The following PBLD variants were observed in gnomAD, a reference collection of about 807,000 sequenced individuals.
The protein encoded by PBLD is phenazine biosynthesis like protein domain containing, also known as phenazine biosynthesis-like domain-containing protein.
A neutral mutation model predicts 31.3 loss-of-function variants in PBLD; 26 were observed. The observed-to-expected ratio is 0.83, with a 90% CI of 0.61 to 1.15. PBLD has a LOEUF of 1.15. PBLD is among the 50% of genes most tolerant of loss of function. The probability of loss-of-function intolerance (pLI) is 0.00; values close to 1 mark genes in which losing one functional copy is unlikely to be tolerated. For synonymous variants in PBLD, 114 were observed against 129.0 expected (o/e 0.88, Z 0.79); for missense variants, 307 against 351.7 (o/e 0.87, Z 1.02).
chr10:68,299,757 G>A (rs2044480869), intron 2 of PBLD, among the ~76,000 whole-genome samples: 2 of 152,100 alleles, frequency 1.3e-5, no homozygotes, highest in South Asian at 4.2e-4. Flanking sequence ...TCAGGAGGTT[G>A]AGCAGTAGTC....
At chr10:68,322,061 G>C (rs546356073) in intron 1 of PBLD, among the ~76,000 whole-genome samples, 1 of 152,242 alleles carries the variant, frequency 6.6e-6, no homozygotes, top group South Asian at 2.1e-4. Flanking sequence ...CTTTACAGTG[G>C]AGAAACCTAG....
chr10:68,302,855 A>G (rs1368482872), intron 2 of PBLD, among the ~76,000 whole-genome samples: 1 of 136,660 alleles, frequency 7.3e-6, no homozygotes, highest in African/African-American at 2.5e-5. Context: ...AAAAAAAAAA[A>G]AAATTAGAAT....
At chr10:68,292,512 C>CTTTT (rs66894235) in intron 4 of PBLD, among the ~76,000 whole-genome samples, 10 of 147,148 alleles carry the variant, frequency 6.8e-5, no homozygotes, top group East Asian at 2.0e-4. Context: ...ACTTAGCCTC[C>CTTTT]TTTTTTTTTT....
intron 9 of PBLD, among the ~76,000 whole-genome samples, 190 bp from the exon 10 acceptor site, chr10:68,284,479 T>C (rs970006575): frequency 6.6e-6 from 1 of 152,186 alleles, no homozygotes; most frequent in African/African-American, 2.4e-5. Flanking sequence ...CAAACTCAAT[T>C]TGATCTACAG....
intron 2 of PBLD, among the ~76,000 whole-genome samples, chr10:68,301,945 C>T (rs749297059): frequency 5.8e-4 from 88 of 152,156 alleles, no homozygotes; most frequent in Non-Finnish European, 2.5e-4. Context: ...ACCAGAGACA[C>T]GTGGAAAGTT....
intron 4 of PBLD, 108 bp downstream of exon 4, chr10:68,296,156 CAG>C (rs2044423873): frequency 2.6e-6 from 2 of 774,330 alleles, no homozygotes; most frequent in African/African-American, 3.5e-5. Flanking sequence ...GTAAACTCTG[CAG>C]AGTCTTTATA....
intron 2 of PBLD, among the ~76,000 whole-genome samples, chr10:68,306,147 A>G (rs1027057977): frequency 2.4e-4 from 2 of 8,396 alleles, no homozygotes; most frequent in African/African-American, 2.7e-4. Context: ...ATTAATATTT[A>G]TCTATTTAAC....
At chr10:68,298,413 A>G (rs1007981545) in intron 2 of PBLD, among the ~76,000 whole-genome samples, 1 of 152,030 alleles carries the variant, frequency 6.6e-6, no homozygotes, top group African/African-American at 2.4e-5. Flanking sequence ...GATCGCTTGA[A>G]CCCTGGAGTT....
Position 68,284,048 on chromosome 10 carries a change from A to G in PBLD, c.*129T>C. 8.2e-6 allele frequency: 7 copies of G among 851,504 alleles called. No homozygotes were observed. Among genetic ancestry groups the G allele is most frequent in the East Asian group, 2.6e-5 (1 of 38,112 alleles). The allele number at this position is 851,504 out of a possible 1,614,324, so 52.7% of individuals were successfully genotyped here. ...AGGCATGAGCCACTGCGCCTGGCCCATTTTTCGATTTTTAACATGAGGATT... is the reference window on the plus strand; with the variant it reads ...AGGCATGAGCCACTGCGCCTGGCCCGTTTTTCGATTTTTAACATGAGGATT... On this transcript the variant is annotated 3_prime_UTR_variant, in exon 10 of 10. Coordinates refer to ENST00000358769, the MANE Select transcript of PBLD (RefSeq NM_022129.4).
At chr10:68,330,607 G>A (rs2045026584) in intron 1 of PBLD, among the ~76,000 whole-genome samples, 1 of 151,968 alleles carries the variant, frequency 6.6e-6, no homozygotes, top group Non-Finnish European at 1.5e-5. Context: ...GTGCGGTGGC[G>A]CGATCTGGGC....
intron 9 of PBLD, among the ~76,000 whole-genome samples, chr10:68,284,889 T>A (rs1485926361): frequency 1.3e-5 from 2 of 152,238 alleles, no homozygotes; most frequent in Non-Finnish European, 2.9e-5. Flanking sequence ...AGACTCCTCC[T>A]TGGATGATCA....
intron 9 of PBLD, chr10:68,285,088 A>G: frequency 7.6e-7 from 1 of 1,308,016 alleles, no homozygotes; most frequent in Non-Finnish European, 9.7e-7. Flanking sequence ...GGCCAAAGTT[A>G]TACAGCTATT....
In PBLD at chr10:68,332,823, C is replaced by T. The variant is rs1033128650; in HGVS notation, c.-99G>A. On this transcript the variant is annotated 5_prime_UTR_variant, in exon 1 of 10. Transcript: ENST00000358769. ...CTGCGAGTGACTTCTGACGCAGATT[C>T]CCAAGATGAGAGAGGCTGGAGCTGG... 6.6e-6 allele frequency: 1 copy of T among 152,394 alleles called. No individual in the cohort carries two copies. The highest frequency in any genetic ancestry group is 1.5e-5 in the Non-Finnish European group (1 of 68,194). The allele number at this position is 152,394 out of a possible 1,614,324, so 9.4% of individuals were successfully genotyped here. A position where few individuals can be genotyped will look rare whatever the true frequency, so the allele number is the denominator to read the frequency against.
chr10:68,311,051 T>C (rs1589664896), intron 1 of PBLD, among the ~76,000 whole-genome samples: 1 of 152,176 alleles, frequency 6.6e-6, no homozygotes, highest in East Asian at 1.9e-4. Context: ...ATTTATTAAA[T>C]ACCCTACTGA....
Position 68,296,345 on chromosome 10 carries a change from T to C in PBLD, c.204A>G (p.Arg68=), listed in dbSNP as rs751757034. The C allele has an allele frequency of 2.5e-6, 4 of 1,613,798 alleles. No individual in the cohort carries two copies. The highest frequency in any genetic ancestry group is 2.5e-6 in the Non-Finnish European group (3 of 1,179,862). The part of the protein sequence containing the change: ...NFAQSSCFGL[R]WFTPASEVPL... ...GGACCTCACTCGCTGGTGTAAACCA[T>C]CTCAGTCCAAAGCAGGAACCTGAGG... Residue 68 remains arginine (R), a synonymous_variant, in exon 4 of 10, where the codon AGA becomes AGG. Coordinates refer to ENST00000358769, the MANE Select transcript of PBLD (RefSeq NM_022129.4).
At chr10:68,290,981 A>C (rs538976487) in intron 6 of PBLD, among the ~76,000 whole-genome samples, 91 of 152,322 alleles carry the variant, frequency 6.0e-4, no homozygotes, top group African/African-American at 2.1e-3. Context: ...ATAAAATCAG[A>C]ATCCATCATG....
chr10:68,288,340 A>G, intron 8 of PBLD, 143 bp downstream of exon 8: 2 of 842,896 alleles, frequency 2.4e-6, no homozygotes, highest in South Asian at 1.9e-5. Flanking sequence ...CAGTGAAGGG[A>G]TGGCAGGGAT....
chr10:68,285,249 T>C, intron 9 of PBLD, 99 bp downstream of exon 9: 1 of 1,599,920 alleles, frequency 6.3e-7, no homozygotes, highest in Non-Finnish European at 8.5e-7. Context: ...GGGTGATACA[T>C]GACATTGTAT....
chr10:68,294,124 T>C (rs2044394814), intron 4 of PBLD, among the ~76,000 whole-genome samples: 1 of 152,232 alleles, frequency 6.6e-6, no homozygotes, highest in Non-Finnish European at 1.5e-5. Context: ...CTTTTTAAAA[T>C]GTATATTGAA....
Sources: gnomAD v4.1 joint callset for allele counts (sites outside exome capture counted in the v4.1 genomes callset) on GRCh38, gnomAD v4.1.1 for gene constraint, MANE v1.5 for transcripts, NCBI Gene and HGNC (gene_info 2026-07-23, HGNC 2026-07-21) for gene names.